The following SYN3 variants were observed in gnomAD, a reference collection of about 807,000 sequenced individuals.
SYN3 encodes the protein synapsin-3.
A neutral mutation model predicts 65.8 loss-of-function variants in SYN3; 35 were observed. The observed-to-expected ratio is 0.53, with a 90% CI of 0.41 to 0.70. SYN3 has a LOEUF of 0.70. Among genes scored for constraint, SYN3 ranks in the 30% least tolerant of loss-of-function variants. The pLI, the probability that SYN3 is intolerant of heterozygous loss-of-function variation, is 0.00. For synonymous variants in SYN3, 270 were observed against 292.9 expected (o/e 0.92, Z 0.80); for missense variants, 680 against 749.0 (o/e 0.91, Z 1.08).
chr22:33,014,873 G>A (rs1360551135), intron 1 of SYN3: 1 of 164,076 alleles, frequency 6.1e-6, no homozygotes, highest in Non-Finnish European at 1.5e-5. Flanking sequence ...TGAGTGGAAG[G>A]TGCTTGAGTG....
In SYN3 at chr22:32,857,299, A is replaced by G. The variant is rs373801773; in HGVS notation, c.711+7616T>C. 30 of 1,614,014 alleles carry G rather than the reference A, an allele frequency of 1.9e-5. No homozygotes were observed. The highest frequency in any genetic ancestry group is 2.5e-5 in the Non-Finnish European group (30 of 1,180,024). ...CCCATGTGCAGTACATCCATACGGA[A>G]GCTTCCGAGAGTCTCTGTGGCCTTA... On this transcript the variant is annotated intron_variant, in intron 6 of 13. Transcript: ENST00000358763.
intron 6 of SYN3, among the ~76,000 whole-genome samples, chr22:32,813,486 TACACACACACACAC>T (rs130277): frequency 2.3e-3 from 316 of 138,284 alleles, no homozygotes; most frequent in African/African-American, 5.1e-3. Context: ...TCTGAAAAGA[TACACACACACACAC>T]ACACACACAC....
chr22:32,849,563 G>A (rs893672497), intron 6 of SYN3: 2 of 1,603,056 alleles, frequency 1.2e-6, no homozygotes, highest in Non-Finnish European at 1.7e-6. Flanking sequence ...CTGGCTCCGG[G>A]AAGGTTTTTG....
chr22:33,021,771 T>C (rs1361512454), intron 1 of SYN3, among the ~76,000 whole-genome samples: 2 of 140,468 alleles, frequency 1.4e-5, no homozygotes, highest in African/African-American at 5.4e-5. Context: ...CTATAAACTA[T>C]ATACTGTAAC....
intron 4 of SYN3, among the ~76,000 whole-genome samples, chr22:32,919,040 G>C (rs2146625350): frequency 6.6e-6 from 1 of 152,334 alleles, no homozygotes; most frequent in South Asian, 2.1e-4. Context: ...GGGAGGGAGA[G>C]AAGCGGGCAC....
At chr22:32,933,875 T>C (rs1177221070) in intron 3 of SYN3, among the ~76,000 whole-genome samples, 2 of 152,188 alleles carry the variant, frequency 1.3e-5, no homozygotes, top group Admixed American at 6.5e-5. Context: ...AAGGGAAATA[T>C]CATTTCATGG....
chr22:32,936,528 A>C (rs1284212062), intron 3 of SYN3, among the ~76,000 whole-genome samples: 2 of 152,132 alleles, frequency 1.3e-5, no homozygotes, highest in Non-Finnish European at 2.9e-5. Context: ...AAACCTCACA[A>C]ACTCCAGGGA....
At chr22:32,764,823 G>C in intron 6 of SYN3, among the ~76,000 whole-genome samples, 1 of 152,176 alleles carries the variant, frequency 6.6e-6, no homozygotes, top group South Asian at 2.1e-4. Context: ...CAGTGGTGGG[G>C]AGCAATGGCA....
intron 6 of SYN3, among the ~76,000 whole-genome samples, chr22:32,714,877 C>A (rs865892683): frequency 6.6e-6 from 1 of 152,080 alleles, no homozygotes; most frequent in Non-Finnish European, 1.5e-5. Flanking sequence ...ATAAAGCATC[C>A]AACATCATAC....
At chr22:32,583,415 C>T (rs1210937927) in intron 7 of SYN3, 1 of 152,262 alleles carries the variant, frequency 6.6e-6, no homozygotes, top group Non-Finnish European at 1.5e-5. Flanking sequence ...TCATGCTTCT[C>T]CTGCCTGCTG....
intron 7 of SYN3, among the ~76,000 whole-genome samples, chr22:32,545,167 G>A (rs545376727): frequency 6.6e-6 from 1 of 152,282 alleles, no homozygotes; most frequent in East Asian, 1.9e-4. Context: ...GTGTAGCTGA[G>A]GGCAACACAC....
At chr22:32,952,968 G>T in intron 3 of SYN3, among the ~76,000 whole-genome samples, 1 of 152,232 alleles carries the variant, frequency 6.6e-6, no homozygotes, top group East Asian at 1.9e-4. Context: ...TCATAGGGCA[G>T]TTGTGAGCAT....
At chr22:32,563,369 G>A (rs796693393) in intron 7 of SYN3, among the ~76,000 whole-genome samples, 5 of 152,354 alleles carry the variant, frequency 3.3e-5, no homozygotes, top group African/African-American at 1.2e-4. Flanking sequence ...CATAAACACA[G>A]TGTGGATGCA....
At chr22:32,919,730 T>G (rs924447071) in intron 4 of SYN3, among the ~76,000 whole-genome samples, 1 of 152,194 alleles carries the variant, frequency 6.6e-6, no homozygotes, top group African/African-American at 2.4e-5. Context: ...TTATAAAAAT[T>G]AAGTTTCTTG....
At chr22:32,794,094 G>A (rs2046378122) in intron 6 of SYN3, among the ~76,000 whole-genome samples, 1 of 152,206 alleles carries the variant, frequency 6.6e-6, no homozygotes, top group African/African-American at 2.4e-5. Flanking sequence ...CAGGAAGAGA[G>A]GCTTTGGCCA....
Position 32,893,190 on chromosome 22 carries a change from G to A in SYN3, c.462-24065C>T, listed in dbSNP as rs568252886. Reference sequence around the variant, plus strand: ...CTTCATCTGCACTTCCTCCATTTGCGTATGAGAATAATCAATGTTTGCTCT... The same window carrying A: ...CTTCATCTGCACTTCCTCCATTTGCATATGAGAATAATCAATGTTTGCTCT... On this transcript the variant is annotated intron_variant, in intron 4 of 13. Coordinates refer to ENST00000358763, the MANE Select transcript of SYN3 (RefSeq NM_003490.4). Among the ~76,000 whole-genome samples, 12 of 152,240 alleles carry A rather than the reference G, an allele frequency of 7.9e-5. No individual in the cohort carries two copies. The South Asian group carries it at 1.0e-3, about 13-fold the overall frequency.
chr22:32,654,842 T>C (rs1055445916), intron 6 of SYN3, among the ~76,000 whole-genome samples: 7 of 152,272 alleles, frequency 4.6e-5, no homozygotes, highest in Admixed American at 3.9e-4. Context: ...TTCTAGGTGC[T>C]TGTCCCTTTC....
chr22:32,896,184 A>G (rs890494209), intron 4 of SYN3, among the ~76,000 whole-genome samples: 1 of 152,220 alleles, frequency 6.6e-6, no homozygotes, highest in African/African-American at 2.4e-5. Context: ...TAAATTCTAA[A>G]GTAAACTTAG....
intron 1 of SYN3, among the ~76,000 whole-genome samples, chr22:33,030,293 A>G (rs2053725826): frequency 6.6e-6 from 1 of 152,236 alleles, no homozygotes; most frequent in Admixed American, 6.5e-5. Flanking sequence ...CTTCCTAGAG[A>G]CAAAGGGGAC....
Sources: allele counts gnomAD v4.1 joint callset (sites outside exome capture counted in the v4.1 genomes callset), GRCh38; gene constraint gnomAD v4.1.1; transcripts MANE v1.5; gene names NCBI Gene and HGNC (gene_info 2026-07-23, HGNC 2026-07-21).